GPM6A: variants seen among roughly 807,000 people sequenced by gnomAD.
The protein encoded by GPM6A is neuronal membrane glycoprotein M6-a.
In GPM6A, 7 loss-of-function variants were observed where a neutral mutation model predicts 32.1. The observed-to-expected ratio is 0.22, with a 90% confidence interval of 0.12 to 0.41. The LOEUF (loss-of-function observed/expected upper bound fraction) is 0.41, where lower values mean the gene tolerates loss of function less well. Among genes scored for constraint, GPM6A ranks in the 10% least tolerant of loss-of-function variants. GPM6A has a pLI of 1.00. For synonymous variants in GPM6A, 130 were observed against 123.4 expected, an observed-to-expected ratio of 1.05 and a Z score of -0.35; for missense variants, 235 against 347.2, an observed-to-expected ratio of 0.68 and a Z score of 2.57.
chr4:175,953,503 A>G (rs1423606899), intron 1 of GPM6A, among the ~76,000 whole-genome samples: 3 of 152,190 alleles, frequency 2.0e-5, no homozygotes, highest in African/African-American at 7.2e-5. Flanking sequence ...TGATATTTGC[A>G]TGTCATTATT....
chr4:175,845,397 A>T (rs1386729981), intron 1 of GPM6A, among the ~76,000 whole-genome samples: 1 of 152,112 alleles, frequency 6.6e-6, no homozygotes, highest in Non-Finnish European at 1.5e-5. Flanking sequence ...ACGTTTCCCT[A>T]ACAGACATGG....
In GPM6A at chr4:175,690,442, C is replaced by T. The variant is rs143367629; in HGVS notation, c.230+11133G>A. Among the ~76,000 whole-genome samples the T allele has an allele frequency of 6.6e-5, 10 of 152,254 alleles. No homozygotes were observed. The East Asian group carries it at 7.7e-4, about 12-fold the overall frequency. ...AAACTTGGTGGCTTTTTAAAAAAGA[C>T]GCATTCTTATGTTCTGGAGGTCAGA... On this transcript the variant is annotated intron_variant, in intron 2 of 6. Transcript: ENST00000393658.
intron 1 of GPM6A, chr4:175,786,876 ACTTT>A (rs142105482): frequency 0.067 from 10,358 of 155,022 alleles, 386 homozygotes; most frequent in Non-Finnish European, 0.08. Context: ...ACTTACCCAA[ACTTT>A]CTTTCTTTGA....
intron 1 of GPM6A, among the ~76,000 whole-genome samples, chr4:175,777,068 T>C (rs938071881): frequency 7.2e-5 from 11 of 152,204 alleles, no homozygotes; most frequent in Admixed American, 2.6e-4. Flanking sequence ...ATTGAAATAA[T>C]TATTAAGGAT....
At chr4:175,924,309 C>A (rs1276796490) in intron 1 of GPM6A, among the ~76,000 whole-genome samples, 1 of 152,126 alleles carries the variant, frequency 6.6e-6, no homozygotes, top group Admixed American at 6.5e-5. Flanking sequence ...CACCGGACAC[C>A]ATTTTCTAGG....
At chr4:175,698,640 G>A (rs2111056437) in intron 2 of GPM6A, among the ~76,000 whole-genome samples, 2 of 152,250 alleles carry the variant, frequency 1.3e-5, no homozygotes, top group Admixed American at 1.3e-4. Context: ...TGAACTATTT[G>A]TTGGTAGGGA....
intron 1 of GPM6A, among the ~76,000 whole-genome samples, chr4:175,891,993 C>T (rs994759262): frequency 3.3e-5 from 5 of 152,170 alleles, no homozygotes; most frequent in Non-Finnish European, 4.4e-5. Context: ...CCGTTGTTAT[C>T]TTGCATGTTG....
At chr4:175,852,890 C>T (rs1431538637) in intron 1 of GPM6A, among the ~76,000 whole-genome samples, 1 of 152,120 alleles carries the variant, frequency 6.6e-6, no homozygotes, top group Non-Finnish European at 1.5e-5. Context: ...AGATATATCA[C>T]CTTGTTCAAA....
chr4:175,670,907 A>T (rs887017488), intron 3 of GPM6A, among the ~76,000 whole-genome samples: 10 of 135,358 alleles, frequency 7.4e-5, no homozygotes, highest in Admixed American at 3.3e-4. Flanking sequence ...TCTGTCGCCC[A>T]GGCTGGAGTG....
At chr4:175,843,277 A>G (rs1375899407) in intron 1 of GPM6A, among the ~76,000 whole-genome samples, 1 of 152,206 alleles carries the variant, frequency 6.6e-6, no homozygotes, top group Non-Finnish European at 1.5e-5. Context: ...TACAAAAAAT[A>G]TCATTAACTT....
At chr4:175,656,533 C>G (rs1436157763) in intron 3 of GPM6A, among the ~76,000 whole-genome samples, 2 of 152,076 alleles carry the variant, frequency 1.3e-5, no homozygotes, top group South Asian at 2.1e-4. Flanking sequence ...ATATTCTAAT[C>G]ACTTTTAGAA....
chr4:175,883,412 A>G (rs1737344324), intron 1 of GPM6A, among the ~76,000 whole-genome samples: 2 of 152,152 alleles, frequency 1.3e-5, no homozygotes, highest in Admixed American at 6.5e-5. Flanking sequence ...TATCCAATCA[A>G]TATAAAAAAT....
chr4:175,667,619 G>A (rs1448860276), intron 3 of GPM6A, among the ~76,000 whole-genome samples: 3 of 152,130 alleles, frequency 2.0e-5, no homozygotes, highest in African/African-American at 7.2e-5. Context: ...CCATATTAAA[G>A]TAGAGTGTCA....
intron 1 of GPM6A, among the ~76,000 whole-genome samples, chr4:175,843,747 C>G (rs1736008286): frequency 6.6e-6 from 1 of 152,164 alleles, no homozygotes; most frequent in East Asian, 1.9e-4. Context: ...TATGTAGCCA[C>G]TTCTTGAGAT....
chr4:175,746,569 A>G (rs1732113185), intron 1 of GPM6A, among the ~76,000 whole-genome samples: 3 of 152,180 alleles, frequency 2.0e-5, no homozygotes, highest in Admixed American at 2.0e-4. Context: ...TGTGTAACCC[A>G]TCATAATTAG....
At chr4:175,859,411 A>C (rs1736508551) in intron 1 of GPM6A, among the ~76,000 whole-genome samples, 1 of 152,238 alleles carries the variant, frequency 6.6e-6, no homozygotes, top group Non-Finnish European at 1.5e-5. Context: ...AGGTAGAGGC[A>C]ATGTAATCTT....
At chr4:175,663,048 A>T (rs142624548) in intron 3 of GPM6A, among the ~76,000 whole-genome samples, 1 of 152,330 alleles carries the variant, frequency 6.6e-6, no homozygotes, top group Non-Finnish European at 1.5e-5. Context: ...TTTTAATCAG[A>T]AGAATTTTTC....
intron 1 of GPM6A, among the ~76,000 whole-genome samples, chr4:175,856,088 A>C (rs2111410945): frequency 6.6e-6 from 1 of 152,358 alleles, no homozygotes; most frequent in South Asian, 2.1e-4. Context: ...ATTATTCAAA[A>C]AAGGAAAGAT....
intron 1 of GPM6A, among the ~76,000 whole-genome samples, chr4:175,724,770 G>A (rs1048562746): frequency 3.5e-4 from 53 of 152,058 alleles, no homozygotes; most frequent in Admixed American, 2.9e-3. Context: ...TCTAAAACCC[G>A]CAGTAGCTTC....
Sources: allele counts gnomAD v4.1 joint callset (sites outside exome capture counted in the v4.1 genomes callset), GRCh38; gene constraint gnomAD v4.1.1; transcripts MANE v1.5; gene names NCBI Gene and HGNC (gene_info 2026-07-23, HGNC 2026-07-21).